The following SHISA9 variants were observed in gnomAD, a reference collection of about 807,000 sequenced individuals.
The protein encoded by SHISA9 is shisa family member 9, also known as protein shisa-9.
A neutral mutation model predicts 38.0 loss-of-function variants in SHISA9; 13 were observed. That is an observed-to-expected ratio of 0.34 (90% CI 0.22 to 0.54). SHISA9 has a LOEUF of 0.54. Among genes scored for constraint, SHISA9 ranks in the 20% least tolerant of loss-of-function variants. The pLI is 0.91. For synonymous variants in SHISA9, 275 were observed against 242.0 expected, an observed-to-expected ratio of 1.14 and a Z score of -1.27; for missense variants, 538 against 575.8, an observed-to-expected ratio of 0.93 and a Z score of 0.67.
At chr16:13,192,395 C>A (rs1385765345) in intron 2 of SHISA9, among the ~76,000 whole-genome samples, 1 of 151,822 alleles carries the variant, frequency 6.6e-6, no homozygotes, top group South Asian at 2.1e-4. Flanking sequence ...AAAAAGAAAG[C>A]TTTGGAAAAA....
chr16:13,229,489 G>A (rs889166926), intron 4 of SHISA9, among the ~76,000 whole-genome samples: 1 of 152,138 alleles, frequency 6.6e-6, no homozygotes, highest in East Asian at 1.9e-4. Context: ...AAACGACAGA[G>A]GCTATCCCTG....
At chr16:13,140,806 G>T (rs1215498785) in intron 2 of SHISA9, among the ~76,000 whole-genome samples, 1 of 152,176 alleles carries the variant, frequency 6.6e-6, no homozygotes, top group Non-Finnish European at 1.5e-5. Flanking sequence ...GCTAGGTTTT[G>T]AATGAAACAC....
At chr16:13,121,157 G>C (rs1439530714) in intron 2 of SHISA9, among the ~76,000 whole-genome samples, 2 of 151,906 alleles carry the variant, frequency 1.3e-5, no homozygotes, top group Non-Finnish European at 2.9e-5. Context: ...GAGACCCCCT[G>C]TCTCAAAAAA....
intron 2 of SHISA9, among the ~76,000 whole-genome samples, chr16:13,082,962 A>T (rs768440426): frequency 1.3e-5 from 2 of 152,164 alleles, no homozygotes; most frequent in Non-Finnish European, 2.9e-5. Context: ...GTTTGGGCCA[A>T]CTTTTCCACT....
At chr16:13,422,307 A>G in the SHISA9 span, among the ~76,000 whole-genome samples, 1 of 152,168 alleles carries the variant, frequency 6.6e-6, no homozygotes, top group Non-Finnish European at 1.5e-5. Context: ...TTAAAAAGTT[A>G]TTTTTGAATA....
At chr16:13,430,485 A>C in the SHISA9 span, among the ~76,000 whole-genome samples, 1 of 152,180 alleles carries the variant, frequency 6.6e-6, no homozygotes. Context: ...TATCCTAAAC[A>C]CCACCAAGTT....
the SHISA9 span, among the ~76,000 whole-genome samples, chr16:13,296,043 G>C: frequency 6.6e-6 from 1 of 152,118 alleles, no homozygotes; most frequent in African/African-American, 2.4e-5. Flanking sequence ...TCTGAAAAGT[G>C]TCTCTTAATC....
chr16:13,386,513 A>G, the SHISA9 span, among the ~76,000 whole-genome samples: 5 of 152,222 alleles, frequency 3.3e-5, no homozygotes, highest in South Asian at 2.1e-4. Context: ...ACAGGATCCA[A>G]TAATAGTACT....
chr16:13,181,643 A>C (rs2050780444), intron 2 of SHISA9, among the ~76,000 whole-genome samples: 1 of 152,040 alleles, frequency 6.6e-6, no homozygotes, highest in Admixed American at 6.6e-5. Context: ...CTCGTGTGTT[A>C]GAGATTACCC....
chr16:13,326,031 A>T, the SHISA9 span, among the ~76,000 whole-genome samples: 1 of 151,356 alleles, frequency 6.6e-6, no homozygotes, highest in African/African-American at 2.4e-5. Flanking sequence ...ACAAACCTGC[A>T]CGTTCTGCAC....
the SHISA9 span, among the ~76,000 whole-genome samples, chr16:13,479,110 A>G: frequency 2.0e-5 from 3 of 152,130 alleles, no homozygotes; most frequent in African/African-American, 7.2e-5. Flanking sequence ...AGCTTCTAAC[A>G]GCTGCTTATA....
chr16:13,302,746 C>G, the SHISA9 span, among the ~76,000 whole-genome samples: 9 of 152,132 alleles, frequency 5.9e-5, no homozygotes, highest in African/African-American at 2.2e-4. Context: ...CTCTGTGTCC[C>G]CACCCAAATC....
the SHISA9 span, among the ~76,000 whole-genome samples, chr16:13,338,277 T>C: frequency 6.6e-6 from 1 of 152,222 alleles, no homozygotes. Context: ...CCTAATTGCA[T>C]AGCCTAACAA....
chr16:13,218,369 A>G (rs2051191354), intron 4 of SHISA9, among the ~76,000 whole-genome samples: 1 of 152,164 alleles, frequency 6.6e-6, no homozygotes, highest in Admixed American at 6.5e-5. Context: ...GCTTTTCCTA[A>G]TCCCCCACCC....
At chr16:13,293,028 G>C in the SHISA9 span, among the ~76,000 whole-genome samples, 3 of 152,094 alleles carry the variant, frequency 2.0e-5, no homozygotes, top group Admixed American at 2.0e-4. Context: ...ACAAAACCCA[G>C]GTTTCCCCCC....
At chr16:13,070,261 T>A (rs1350832776) in intron 2 of SHISA9, among the ~76,000 whole-genome samples, 1 of 152,032 alleles carries the variant, frequency 6.6e-6, no homozygotes, top group Non-Finnish European at 1.5e-5. Context: ...TGTTGCTCTG[T>A]CCCCCGGACT....
intron 2 of SHISA9, among the ~76,000 whole-genome samples, chr16:13,195,572 C>G (rs541582790): frequency 4.6e-5 from 7 of 152,158 alleles, no homozygotes; most frequent in Non-Finnish European, 8.8e-5. Context: ...CACACAGTGA[C>G]TTCTTTCCAA....
intron 2 of SHISA9, among the ~76,000 whole-genome samples, chr16:13,095,550 C>T (rs190549954): frequency 6.2e-4 from 95 of 152,314 alleles, no homozygotes; most frequent in African/African-American, 2.3e-3. Flanking sequence ...TCCCATGACT[C>T]TTAGAATAAT....
At chr16:12,963,824 C>T (rs989515305) in intron 2 of SHISA9, among the ~76,000 whole-genome samples, 20 of 152,106 alleles carry the variant, frequency 1.3e-4, no homozygotes, top group Non-Finnish European at 1.9e-4. Flanking sequence ...AATTTAGCCC[C>T]GAGTTAGCTT....
Sources: gnomAD v4.1 joint callset for allele counts (sites outside exome capture counted in the v4.1 genomes callset) on GRCh38, gnomAD v4.1.1 for gene constraint, MANE v1.5 for transcripts, NCBI Gene and HGNC (gene_info 2026-07-23, HGNC 2026-07-21) for gene names.